Variants in IRS4 observed in about 807,000 individuals in gnomAD.
The protein encoded by IRS4 is 160 kDa phosphotyrosine protein.
In IRS4, 15 loss-of-function variants were observed where a neutral mutation model predicts 48.6. The ratio of observed to expected loss-of-function variants is 0.31; its 90% CI spans 0.21 to 0.48. The LOEUF (loss-of-function observed/expected upper bound fraction) is 0.48. Among genes scored for constraint, IRS4 ranks in the 20% least tolerant of loss-of-function variants. The pLI, the probability that IRS4 is intolerant of heterozygous loss-of-function variation, is 0.99. For synonymous variants in IRS4, 459 were observed against 413.2 expected (o/e 1.11, Z -1.34); for missense variants, 987 against 1,023.4 (o/e 0.96, Z 0.49).
rs765352679 is a variant in IRS4, at chrX:108,734,353, C to T, written c.1992G>A (p.Thr664=). The T allele has an allele frequency of 8.3e-7, 1 of 1,211,288 alleles. No individual in the cohort carries two copies. Among genetic ancestry groups the T allele is most frequent in the Admixed American group, 2.2e-5 (1 of 46,004 alleles). The change falls in exon 1 of 2, where the codon ACG becomes ACA. Residue 664 remains threonine (T), a synonymous_variant. Transcript: ENST00000372129. Reference sequence around the variant, plus strand: ...CTTCTTTGGCTTCTTTGCATTCTTTCGTGGCTCCTCTGTCAACACAAAAAT... The same window carrying T: ...CTTCTTTGGCTTCTTTGCATTCTTTTGTGGCTCCTCTGTCAACACAAAAAT... ...RLYFCVDRGA[T]KECKEAKEVK... is the part of the protein sequence containing the mutation.
In IRS4 at chrX:108,728,946, T is replaced by C. The variant is rs1374591524; in HGVS notation, c.3766+3633A>G. On this transcript the variant is annotated intron_variant, in intron 1 of 1. Coordinates refer to ENST00000372129, the MANE Select transcript of IRS4 (RefSeq NM_001379150.1). ...AATTTTTACCCTGAAAACATCACTC[T>C]TAAAATAGAATGAATGCAAATGAAT... 3.6e-5 allele frequency among the ~76,000 whole-genome samples: 4 copies of C among 112,030 alleles called. No homozygotes were observed. In the East Asian group the frequency reaches 1.1e-3, roughly 31 times the overall value.
intron 1 of IRS4, among the ~76,000 whole-genome samples, chrX:108,729,984 T>A (rs922372840): frequency 8.9e-6 from 1 of 112,157 alleles, no homozygotes; most frequent in African/African-American, 3.2e-5. Context: ...ACTTACTATA[T>A]GCCAGGCACT....
At chrX:108,729,097 G>T (rs1367254432) in intron 1 of IRS4, among the ~76,000 whole-genome samples, 1 of 110,934 alleles carries the variant, frequency 9.0e-6, no homozygotes, top group Non-Finnish European at 1.9e-5. Context: ...TAAAATAAAT[G>T]ATCCGTCAAT....
chrX:108,733,854 T>C lies in IRS4; in HGVS notation c.2491A>G (p.Met831Val), dbSNP rs1265010190. The C allele has an allele frequency of 7.4e-6, 9 of 1,211,391 alleles. No individual in the cohort carries two copies. The highest frequency in any genetic ancestry group is 1.8e-5 in the South Asian group (1 of 56,959). Residue 831 changes from methionine to valine, a missense_variant, in exon 1 of 2, where the codon ATG (methionine) becomes GTG (valine). Transcript: ENST00000372129. The part of the protein sequence containing the change: ...GQNDNSEYVP[M>V]LPGKFLGRGL... ...CTCCCCAGGAACTTTCCAGGTAACA[T>C]TGGCACATACTCACTGTTGTCATTC... is the stretch of plus-strand genomic sequence containing the variant.
At position 108,735,952 on chromosome X, in the gene IRS4, C is replaced by A. The variant is rs1448406274; in HGVS notation, c.393G>T (p.Ala131=). 2 of 1,205,719 alleles carry A rather than the reference C, an allele frequency of 1.7e-6. No individual in the cohort carries two copies. Among genetic ancestry groups the A allele is most frequent in the Non-Finnish European group, 2.2e-6 (2 of 892,689 alleles). The change falls in exon 1 of 2, where the codon GCG becomes GCT. Residue 131 remains alanine (A), a synonymous_variant. Coordinates refer to ENST00000372129, the MANE Select transcript of IRS4 (RefSeq NM_001379150.1). Reference sequence around the variant, plus strand: ...GGGGGATCGCGGCGCCAGAGGCGGCCGCCGCTGCTGCAGCCGCCGCGGCGC... The same window carrying A: ...GGGGGATCGCGGCGCCAGAGGCGGCAGCCGCTGCTGCAGCCGCCGCGGCGC... The part of the protein sequence containing the change: ...SVRAAAAAAA[A]AASGAAIPPL...
Position 108,735,709 on chromosome X carries a change from C to A in IRS4, c.636G>T (p.Gln212His). 4 of 1,181,996 alleles carry A rather than the reference C, an allele frequency of 3.4e-6. No individual in the cohort carries two copies. The highest frequency in any genetic ancestry group is 4.5e-6 in the Non-Finnish European group (4 of 881,596). The part of the protein sequence containing the change: ...KRRRCGTLGA[Q>H]PDGEPAALAA... ...CCAGCGCGGCCGGCTCTCCGTCCGG[C>A]TGCGCGCCGAGCGTGCCGCAGCGGC... The change falls in exon 1 of 2, where the codon CAG (glutamine) becomes CAT (histidine). Residue 212 changes from glutamine (Q) to histidine (H), a missense_variant. By Grantham distance (24) the Gln-to-His change is conservative. This residue lies in a region of IRS4 where 173 missense variants were observed against 208.9 expected (regional missense o/e 0.83). Coordinates refer to ENST00000372129, the MANE Select transcript of IRS4 (RefSeq NM_001379150.1).
In IRS4 at chrX:108,735,105, G is replaced by A. The variant is rs888111963; in HGVS notation, c.1240C>T (p.Leu414=). Residue 414 remains leucine (L), a synonymous_variant, in exon 1 of 2, where the codon CTG becomes TTG. Coordinates refer to ENST00000372129, the MANE Select transcript of IRS4 (RefSeq NM_001379150.1). ...GACCTGCGCCCTCTGGGCAGGTGCA[G>A]TCTTCCTCGCCTGGAGTGGGCCACA... is the stretch of plus-strand genomic sequence containing the variant. ...EPVAHSRRGR[L]HLPRGRRSRR... The A allele has an allele frequency of 1.8e-5, 22 of 1,210,004 alleles. No individual in the cohort carries two copies. Among genetic ancestry groups the A allele is most frequent in the Non-Finnish European group, 2.1e-5 (19 of 895,308 alleles).
rs1373112205 is a variant in IRS4, at chrX:108,721,076, A to C, written c.*1443T>G. On this transcript the variant is annotated 3_prime_UTR_variant, in exon 2 of 2. Transcript: ENST00000372129. ...CAAATTTCATTTTAACAGAGTTTACACACAACAGGTACATCTACAATCACA... is the reference window on the plus strand; with the variant it reads ...CAAATTTCATTTTAACAGAGTTTACCCACAACAGGTACATCTACAATCACA... 8.8e-6 allele frequency: 1 copy of C among 113,160 alleles called. No individual in the cohort carries two copies. Among genetic ancestry groups the C allele is most frequent in the African/African-American group, 3.2e-5 (1 of 31,195 alleles). The allele number at this position is 113,160 out of a possible 1,213,427, so 9.3% of individuals were successfully genotyped here.
At chrX:108,724,163 T>C (rs2068865444) in intron 1 of IRS4, 2 of 112,121 alleles carry the variant, frequency 1.8e-5, no homozygotes, top group African/African-American at 6.5e-5. Flanking sequence ...AAGCTCCATA[T>C]AACTACCCTA....
At position 108,732,714 on chromosome X, in the gene IRS4, C is replaced by T. The variant is rs376568199; in HGVS notation, c.3631G>A (p.Ala1211Thr). 1 of 1,211,562 alleles carries T rather than the reference C, an allele frequency of 8.3e-7. No individual in the cohort carries two copies. ...CTGCGAGGTGGTGGTTCCGGAGCGG[C>T]AGCTGCAGCGGCAGCCCCGCCAGCC... ...NQAGGAAAAA[A>T]APEPPPRSRR... is the part of the protein sequence containing the mutation. The change falls in exon 1 of 2, where the codon GCC (alanine) becomes ACC (threonine). Residue 1211 changes from alanine to threonine, a missense_variant. By Grantham distance (58) the Ala-to-Thr change is moderately conservative (BLOSUM62 0). Coordinates refer to ENST00000372129, the MANE Select transcript of IRS4 (RefSeq NM_001379150.1).
chrX:108,734,823 T>C lies in IRS4; in HGVS notation c.1522A>G (p.Asn508Asp). ...GRGSGGGQGSNGQGSSSHSSG... is the reference protein window; with the variant it reads ...GRGSGGGQGSDGQGSSSHSSG... ...CTATGGCTACTGGAGCCTTGGCCAT[T>C]TGAGCCCTGGCCACCTCCTGAGCCC... Residue 508 changes from asparagine to aspartate, a missense_variant, in exon 1 of 2, where the codon AAT becomes GAT. Coordinates refer to ENST00000372129, the MANE Select transcript of IRS4 (RefSeq NM_001379150.1). The C allele has an allele frequency of 8.3e-7, 1 of 1,210,886 alleles. No individual in the cohort carries two copies. The highest frequency in any genetic ancestry group is 1.1e-6 in the Non-Finnish European group (1 of 895,244).
At position 108,721,099 on chromosome X, in the gene IRS4, A is replaced by G. The variant is rs2068854357; in HGVS notation, c.*1420T>C. On this transcript the variant is annotated 3_prime_UTR_variant, in exon 2 of 2. Transcript: ENST00000372129. ...ACACACAACAGGTACATCTACAATC[A>G]CATGTACACAGGTACACAAAGTGTG... 1 of 112,927 alleles carries G rather than the reference A, an allele frequency of 8.9e-6. No individual in the cohort carries two copies. Among genetic ancestry groups the G allele is most frequent in the Admixed American group, 9.3e-5 (1 of 10,703 alleles). 9.3% of individuals were successfully genotyped at this position (112,927 alleles called of 1,213,427 possible).
In IRS4 at chrX:108,733,544, G is replaced by A; in HGVS notation, c.2801C>T (p.Pro934Leu). Residue 934 changes from proline (P) to leucine (L), a missense_variant, in exon 1 of 2, where the codon CCA becomes CTA. By Grantham distance (98) the Pro-to-Leu change is moderately conservative. Coordinates refer to ENST00000372129, the MANE Select transcript of IRS4 (RefSeq NM_001379150.1). ...TGGTAGTCCTTGAGTAGAGGGAGCT[G>A]GTGTATTGCTCTCTCTTTTAGTGAA... Reference protein sequence around the residue: ...MDFTKRESNTPAPSTQGLPDS... With the variant: ...MDFTKRESNTLAPSTQGLPDS... 1 of 1,211,216 alleles carries A rather than the reference G, an allele frequency of 8.3e-7. No individual in the cohort carries two copies. Among genetic ancestry groups the A allele is most frequent in the Non-Finnish European group, 1.1e-6 (1 of 894,719 alleles).
Position 108,734,984 on chromosome X carries a change from G to A in IRS4, c.1361C>T (p.Ala454Val). The A allele has an allele frequency of 1.7e-6, 2 of 1,212,091 alleles. No homozygotes were observed. Among genetic ancestry groups the A allele is most frequent in the South Asian group, 3.5e-5 (2 of 57,002 alleles). The change falls in exon 1 of 2, where the codon GCT becomes GTT. Residue 454 changes from alanine (A) to valine (V), a missense_variant. Ala to Val is a moderately conservative substitution (Grantham distance 64). Coordinates refer to ENST00000372129, the MANE Select transcript of IRS4 (RefSeq NM_001379150.1). ...ACCAGACACTTCAGAAGACAGGCGA[G>A]CTCCATTGTTCGGGGCTTCTGCAGG... ...RHPAEAPNNG[A>V]RLSSEVSGSG... is the part of the protein sequence containing the mutation.
At chrX:108,729,450 T>C (rs1461842380) in intron 1 of IRS4, among the ~76,000 whole-genome samples, 1 of 111,101 alleles carries the variant, frequency 9.0e-6, no homozygotes, top group Non-Finnish European at 1.9e-5. Flanking sequence ...CTATGAATTG[T>C]ACATCAGGTA....
rs1367488130 is a variant in IRS4 at position 108,720,368 on chromosome X, A to G, written c.*2151T>C. 8.9e-6 allele frequency: 1 copy of G among 112,389 alleles called. No homozygotes were observed. Among genetic ancestry groups the G allele is most frequent in the Non-Finnish European group, 1.9e-5 (1 of 53,271 alleles). The allele number at this position is 112,389 out of a possible 1,213,427, so 9.3% of individuals were successfully genotyped here. The stretch of plus-strand genomic sequence containing the variant: ...TTCCAGCACAATACTGAATAAATTA[A>G]TTGTCTGTAAACTAATAAATAATGA... On this transcript the variant is annotated 3_prime_UTR_variant, in exon 2 of 2. Transcript: ENST00000372129.
At position 108,721,668 on chromosome X, in the gene IRS4, G is replaced by A. The variant is rs1168548194; in HGVS notation, c.*851C>T. On this transcript the variant is annotated 3_prime_UTR_variant, in exon 2 of 2. Transcript: ENST00000372129. ...CCCAGAGAAGCAGGGAGGGGCCTTG[G>A]GAAGAGACTTTTGAAGAGCTTTGTT... 1 of 110,880 alleles carries A rather than the reference G, an allele frequency of 9.0e-6. No homozygotes were observed. Among genetic ancestry groups the A allele is most frequent in the African/African-American group, 3.3e-5 (1 of 30,483 alleles). The allele number at this position is 110,880 out of a possible 1,213,427, so 9.1% of individuals were successfully genotyped here.
chrX:108,734,295 G>C lies in IRS4; in HGVS notation c.2050C>G (p.Arg684Gly). 2 of 1,211,158 alleles carry C rather than the reference G, an allele frequency of 1.7e-6. No individual in the cohort carries two copies. The highest frequency in any genetic ancestry group is 2.3e-4 in the Middle Eastern group (1 of 4,353). The change falls in exon 1 of 2, where the codon CGA becomes GGA. Residue 684 changes from arginine to glycine, a missense_variant. Physicochemically the swap from Arg to Gly is moderately radical, Grantham distance 125 (BLOSUM62 -2). This residue lies in a region of IRS4 where 720 missense variants were observed against 660.3 expected (regional missense o/e 1.09). Coordinates refer to ENST00000372129, the MANE Select transcript of IRS4 (RefSeq NM_001379150.1). ...KDAEIPEGAA[R>G]GPHRARAFDE... ...AAAGCTCTGGCTCTGTGGGGACCTC[G>C]AGCTGCACCTTCTGGGATCTCTGCA...
rs1428384505 is a variant in IRS4 at position 108,721,384 on chromosome X, G to A, written c.*1135C>T. 1 of 111,064 alleles carries A rather than the reference G, an allele frequency of 9.0e-6. No individual in the cohort carries two copies. The highest frequency in any genetic ancestry group is 3.3e-5 in the African/African-American group (1 of 30,541). 9.2% of individuals were successfully genotyped at this position (111,064 alleles called of 1,213,427 possible). On this transcript the variant is annotated 3_prime_UTR_variant, in exon 2 of 2. Transcript: ENST00000372129. ...CAGAGGCAAGCAAAAATAGAACGGG[G>A]GGGAGCTTGCTCTGATTTTTTTTTT...
Sources: allele counts gnomAD v4.1 joint callset (sites outside exome capture counted in the v4.1 genomes callset), GRCh38; gene constraint gnomAD v4.1.1; regional missense constraint gnomAD v4.1.1; transcripts MANE v1.5; gene names NCBI Gene and HGNC (gene_info 2026-07-23, HGNC 2026-07-21).